SELENOP: variants seen among roughly 807,000 people sequenced by gnomAD.
SELENOP encodes the protein selenoprotein P, plasma, 1.
In SELENOP, 36 loss-of-function variants were observed where a neutral mutation model predicts 41.0. That is an observed-to-expected ratio of 0.88 (90% CI 0.67 to 1.16). SELENOP has a LOEUF of 1.16. Ranked by LOEUF, SELENOP falls within the 50% of genes most tolerant of loss-of-function variation. SELENOP has a pLI of 0.00. For missense variants in SELENOP, 440 were observed against 454.2 expected, an observed-to-expected ratio of 0.97 and a Z score of 0.28; for synonymous variants, 144 against 150.8, an observed-to-expected ratio of 0.95 and a Z score of 0.33.
intron 1 of SELENOP, chr5:42,810,868 T>A: frequency 1.6e-6 from 1 of 625,848 alleles, no homozygotes; most frequent in Non-Finnish European, 2.0e-6. Context: ...CAGAGAGTTG[T>A]AGCTTAAGAG....
Position 42,801,005 on chromosome 5 carries a change from A to T in SELENOP, c.861T>A (p.Cys287Ter). The change falls in exon 5 of 5, where the codon TGT becomes TGA. Residue 287 changes from cysteine (C) to a stop codon, truncating the protein, a stop_gained. Transcript: ENST00000514985. LOFTEE classifies it high-confidence loss of function. ...CCAACTCTGAATCTGTGGGCAATTT[A>T]CAGAGTAATTGATTTATACATCTCT... is the stretch of plus-strand genomic sequence containing the variant. The part of the protein sequence containing the change: ...CRKRCINQLL[C>*]KLPTDSELAP... 1 of 1,614,146 alleles carries T rather than the reference A, an allele frequency of 6.2e-7. No homozygotes were observed. Among genetic ancestry groups the T allele is most frequent in the East Asian group, 2.2e-5 (1 of 44,878 alleles).
chr5:42,808,874 C>A (rs764390620), intron 1 of SELENOP, among the ~76,000 whole-genome samples: 3 of 150,628 alleles, frequency 2.0e-5, no homozygotes, highest in South Asian at 4.2e-4. Flanking sequence ...GAGCTGAGAT[C>A]GCGCCCCTGC....
chr5:42,808,754 CAAAA>C (rs771818679), intron 1 of SELENOP, among the ~76,000 whole-genome samples: 1 of 115,186 alleles, frequency 8.7e-6, no homozygotes, highest in East Asian at 2.4e-4. Flanking sequence ...TAAAATTATA[CAAAA>C]AAAAAAAAAA....
At chr5:42,806,634 T>A in intron 3 of SELENOP, 1 of 262,190 alleles carries the variant, frequency 3.8e-6, no homozygotes, top group Non-Finnish European at 7.4e-6. Flanking sequence ...GAGGAGGAAG[T>A]GTGGAGGAGG....
At chr5:42,808,530 C>G in intron 1 of SELENOP, 164 bp from the exon 2 acceptor site, 1 of 328,552 alleles carries the variant, frequency 3.0e-6, no homozygotes, top group African/African-American at 2.1e-5. Context: ...AAAAATAAGT[C>G]TGTGACTTAT....
At chr5:42,810,701 G>A (rs557115066) in intron 1 of SELENOP, 7 of 438,954 alleles carry the variant, frequency 1.6e-5, no homozygotes, top group East Asian at 1.3e-4. Flanking sequence ...CTCGTGATCC[G>A]CCTGCCTTGG....
At chr5:42,805,809 T>A (rs1023930989) in intron 3 of SELENOP, 23 of 152,212 alleles carry the variant, frequency 1.5e-4, no homozygotes, top group Non-Finnish European at 7.4e-5. Flanking sequence ...ATTTTCCTCT[T>A]GGAATGGTGA....
At chr5:42,803,016 G>A (rs1760247844) in intron 4 of SELENOP, among the ~76,000 whole-genome samples, 1 of 152,012 alleles carries the variant, frequency 6.6e-6, no homozygotes, top group African/African-American at 2.4e-5. Context: ...TGTTGGTGGT[G>A]GTTTCTCACT....
chr5:42,803,492 C>T (rs1452297891), intron 4 of SELENOP, among the ~76,000 whole-genome samples: 1 of 152,012 alleles, frequency 6.6e-6, no homozygotes, highest in Non-Finnish European at 1.5e-5. Context: ...GAGTAAGTAA[C>T]TTATACTCCT....
intron 1 of SELENOP, among the ~76,000 whole-genome samples, 189 bp downstream of exon 1, chr5:42,811,647 A>G (rs1451807526): frequency 1.3e-5 from 2 of 152,204 alleles, no homozygotes; most frequent in Admixed American, 1.3e-4. Flanking sequence ...AAATGTGCGC[A>G]CTGGGAACTT....
At chr5:42,809,973 CTTA>C (rs945459294) in intron 1 of SELENOP, among the ~76,000 whole-genome samples, 9 of 152,094 alleles carry the variant, frequency 5.9e-5, no homozygotes, top group Non-Finnish European at 1.2e-4. Context: ...TACAATTATC[CTTA>C]TTATAGCTAA....
At chr5:42,808,456 C>T in intron 1 of SELENOP, 90 bp from the exon 2 acceptor site, 2 of 449,534 alleles carry the variant, frequency 4.4e-6, no homozygotes, top group African/African-American at 2.0e-5. Context: ...CATAATTCCA[C>T]TTCCTAAAAA....
At chr5:42,808,023 C>A (rs559440900) in intron 2 of SELENOP, 128 bp downstream of exon 2, 20 of 432,600 alleles carry the variant, frequency 4.6e-5, no homozygotes, top group African/African-American at 3.7e-4. Flanking sequence ...ATGTTCTATG[C>A]AAACACATAG....
At chr5:42,805,475 C>T (rs532534393) in intron 3 of SELENOP, 2 of 152,016 alleles carry the variant, frequency 1.3e-5, no homozygotes, top group South Asian at 2.1e-4. Flanking sequence ...CACCAGACTC[C>T]GGAGAGTCAA....
chr5:42,802,596 G>A (rs2111627058), intron 4 of SELENOP, among the ~76,000 whole-genome samples: 1 of 152,184 alleles, frequency 6.6e-6, no homozygotes, highest in South Asian at 2.1e-4. Flanking sequence ...ACCTATGGTA[G>A]TAGTCTAATT....
intron 1 of SELENOP, among the ~76,000 whole-genome samples, chr5:42,808,898 C>T (rs1338563685): frequency 5.5e-5 from 8 of 145,660 alleles, no homozygotes; most frequent in South Asian, 2.2e-4. Flanking sequence ...CCAGCCTGGG[C>T]GACAGAACGA....
intron 3 of SELENOP, chr5:42,806,426 TCA>T (rs1350002672): frequency 6.5e-6 from 1 of 152,852 alleles, no homozygotes; most frequent in Non-Finnish European, 1.5e-5. Context: ...CGTCTGGAGT[TCA>T]GTCATTGTGT....
chr5:42,802,003 A>G (rs1046322418), intron 4 of SELENOP: 1 of 152,220 alleles, frequency 6.6e-6, no homozygotes, highest in Non-Finnish European at 1.5e-5. Context: ...CTAATACTAT[A>G]TGATACTGTA....
intron 4 of SELENOP, among the ~76,000 whole-genome samples, chr5:42,802,765 C>T (rs904644851): frequency 6.6e-6 from 1 of 152,122 alleles, no homozygotes; most frequent in Non-Finnish European, 1.5e-5. Context: ...CACGTGCCAC[C>T]ACGCCCAGCT....
Sources: gnomAD v4.1 joint callset for allele counts (sites outside exome capture counted in the v4.1 genomes callset) on GRCh38, gnomAD v4.1.1 for gene constraint, MANE v1.5 for transcripts, NCBI Gene and HGNC (gene_info 2026-07-23, HGNC 2026-07-21) for gene names.